Variants in FCRL5 observed in about 807,000 individuals in gnomAD.
The protein encoded by FCRL5 is Fc receptor like 5, also known as Fc receptor-like protein 5.
A neutral mutation model predicts 92.1 loss-of-function variants in FCRL5; 79 were observed. That is an observed-to-expected ratio of 0.86 (90% CI 0.72 to 1.03). The LOEUF (loss-of-function observed/expected upper bound fraction) is 1.03. Among genes scored for constraint, FCRL5 ranks in the 50% least tolerant of loss-of-function variants. The probability of loss-of-function intolerance (pLI) is 0.00; values close to 1 mark genes in which losing one functional copy is unlikely to be tolerated. For missense variants in FCRL5, 1,160 were observed against 1,181.1 expected (o/e 0.98, Z 0.26); for synonymous variants, 466 against 469.3 (o/e 0.99, Z 0.09).
chr1:157,527,139 C>T (rs1013392491), intron 9 of FCRL5, among the ~76,000 whole-genome samples: 18 of 152,144 alleles, frequency 1.2e-4, no homozygotes, highest in African/African-American at 4.3e-4. Context: ...ATTATGTCTT[C>T]TAACAAGGGT....
In FCRL5 at chr1:157,527,794, G is replaced by A; in HGVS notation, c.1783C>T (p.Pro595Ser). The A allele has an allele frequency of 6.2e-7, 1 of 1,614,026 alleles. No homozygotes were observed. The highest frequency in any genetic ancestry group is 8.5e-7 in the Non-Finnish European group (1 of 1,179,926). ...LHCEAPRGSP[P>S]ILYWFYHEDV... Reference sequence around the variant, plus strand: ...TCATGATAAAACCAGTACAGGATTGGGGGAGAGCCTCTCGGGGCCTCACAG... The same window carrying A: ...TCATGATAAAACCAGTACAGGATTGAGGGAGAGCCTCTCGGGGCCTCACAG... Residue 595 changes from proline to serine, a missense_variant, in exon 9 of 17, where the codon CCA becomes TCA. Transcript: ENST00000361835.
At chr1:157,517,820 G>T (rs151069335) in intron 15 of FCRL5, among the ~76,000 whole-genome samples, 2 of 152,188 alleles carry the variant, frequency 1.3e-5, no homozygotes, top group South Asian at 2.1e-4. Context: ...CTCTCCAAAT[G>T]TATGGGTTAA....
chr1:157,550,305 C>A (rs1651757916), intron 1 of FCRL5, among the ~76,000 whole-genome samples: 5 of 152,248 alleles, frequency 3.3e-5, no homozygotes, highest in African/African-American at 1.2e-4. Flanking sequence ...TGATGGAGCA[C>A]TCTGTCAGTG....
intron 8 of FCRL5, among the ~76,000 whole-genome samples, chr1:157,529,515 A>G (rs1371844940): frequency 6.6e-6 from 1 of 152,216 alleles, no homozygotes; most frequent in Non-Finnish European, 1.5e-5. Context: ...ATAGCAGCAC[A>G]ACTCATGATT....
chr1:157,527,912 G>C lies in FCRL5; in HGVS notation c.1682-17C>G. 1 of 1,537,402 alleles carries C rather than the reference G, an allele frequency of 6.5e-7. No individual in the cohort carries two copies. The highest frequency in any genetic ancestry group is 8.7e-7 in the Non-Finnish European group (1 of 1,145,154). ...ACACTGGAACTGAGAGAGAAAATGA[G>C]TTAGGGACACATGTATTTTTAAAAT... On this transcript the variant is annotated splice_polypyrimidine_tract_variant and intron_variant, in intron 8 of 16. Coordinates refer to ENST00000361835, the MANE Select transcript of FCRL5 (RefSeq NM_031281.3).
In FCRL5 at chr1:157,513,672, G is replaced by A. The variant is rs1384718831; in HGVS notation, c.*2003C>T. The A allele has an allele frequency of 6.6e-6, 1 of 152,174 alleles. No individual in the cohort carries two copies. Among genetic ancestry groups the A allele is most frequent in the African/African-American group, 2.4e-5 (1 of 41,434 alleles). The allele number at this position is 152,174 out of a possible 1,614,324, so 9.4% of individuals were successfully genotyped here. ...GGACGGGGTCCACCCACATTAGGGT[G>A]GAGTTTGTTCTGCCACTGTGCAGTT... On this transcript the variant is annotated 3_prime_UTR_variant, in exon 17 of 17. Coordinates refer to ENST00000361835, the MANE Select transcript of FCRL5 (RefSeq NM_031281.3).
chr1:157,515,990 AG>A, intron 15 of FCRL5, 117 bp from the exon 16 acceptor site: 1 of 1,114,122 alleles, frequency 9.0e-7, no homozygotes, highest in Non-Finnish European at 1.3e-6. Flanking sequence ...CTGTGCGGTG[AG>A]TAGCCATTCC....
At chr1:157,521,355 G>A (rs1352510089) in intron 10 of FCRL5, 63 bp from the exon 11 acceptor site, 3 of 1,508,328 alleles carry the variant, frequency 2.0e-6, no homozygotes, top group Non-Finnish European at 2.7e-6. Flanking sequence ...GAAACAAAAG[G>A]TATCATAAAC....
intron 6 of FCRL5, among the ~76,000 whole-genome samples, chr1:157,540,437 C>T (rs1475640193): frequency 2.0e-5 from 3 of 152,166 alleles, no homozygotes; most frequent in African/African-American, 7.2e-5. Flanking sequence ...TCATCCTGTG[C>T]TCACCTGCCT....
intron 7 of FCRL5, among the ~76,000 whole-genome samples, chr1:157,538,817 A>G (rs1972240): frequency 0.088 from 13,364 of 152,230 alleles, 1,576 homozygotes; most frequent in African/African-American, 0.27. Flanking sequence ...TGGAGAGCAC[A>G]AGAAAAGCAA....
chr1:157,547,040 G>C lies in FCRL5; in HGVS notation c.210C>G (p.Thr70=). 1 of 1,614,092 alleles carries C rather than the reference G, an allele frequency of 6.2e-7. No homozygotes were observed. Among genetic ancestry groups the C allele is most frequent in the Non-Finnish European group, 8.5e-7 (1 of 1,180,016 alleles). ...CCTGAACCTCAAGGATATTGTCTGG[G>C]GTTTCTCTTAGTATTTCTTTCCCAA... ...RYLGKEILRE[T]PDNILEVQES... is the part of the protein sequence containing the mutation. Residue 70 remains threonine, a synonymous_variant, in exon 3 of 17, where the codon ACC becomes ACG. Transcript: ENST00000361835.
intron 7 of FCRL5, among the ~76,000 whole-genome samples, chr1:157,538,212 T>A (rs1228690281): frequency 6.6e-6 from 1 of 152,236 alleles, no homozygotes; most frequent in East Asian, 1.9e-4. Context: ...CTGGGTTCCC[T>A]GGCCCTCTCC....
chr1:157,523,039 T>A (rs1650271197), intron 10 of FCRL5, among the ~76,000 whole-genome samples: 1 of 152,130 alleles, frequency 6.6e-6, no homozygotes, highest in South Asian at 2.1e-4. Context: ...AAAACCCAAA[T>A]CTGAAGTCAT....
chr1:157,521,031 G>T lies in FCRL5; in HGVS notation c.2501C>A (p.Thr834Lys). The T allele has an allele frequency of 6.2e-7, 1 of 1,608,782 alleles. No homozygotes were observed. Among genetic ancestry groups the T allele is most frequent in the Non-Finnish European group, 8.5e-7 (1 of 1,178,062 alleles). ...GGGAAACTTACCTGTGATATAAAGT[G>T]TCACTGTCTCACTGCGCTGGGCCCC... is the stretch of plus-strand genomic sequence containing the variant. ...GLGAQRSETV[T>K]LYITGLTANR... The change falls in exon 11 of 17, where the codon ACA (threonine) becomes AAA (lysine). Residue 834 changes from threonine to lysine, a missense_variant. By Grantham distance (78) the Thr-to-Lys change is moderately conservative. Coordinates refer to ENST00000361835, the MANE Select transcript of FCRL5 (RefSeq NM_031281.3).
rs370213739 is a variant in FCRL5, at chr1:157,534,609, C to G, written c.1681+5G>C. 13 of 1,614,048 alleles carry G rather than the reference C, an allele frequency of 8.1e-6. No individual in the cohort carries two copies. The highest frequency in any genetic ancestry group is 6.7e-5 in the East Asian group (3 of 44,890). The stretch of plus-strand genomic sequence containing the variant: ...GTGGGTGACTGGCAAGAACCCAGCA[C>G]TTACCAGTGACAAAAAGGCTCACCA... On this transcript the variant is annotated splice_donor_5th_base_variant and intron_variant, in intron 8 of 16. Coordinates refer to ENST00000361835, the MANE Select transcript of FCRL5 (RefSeq NM_031281.3).
Position 157,518,476 on chromosome 1 carries a change from A to G in FCRL5, c.2765T>C (p.Val922Ala). The G allele has an allele frequency of 1.2e-6, 2 of 1,614,134 alleles. No individual in the cohort carries two copies. The highest frequency in any genetic ancestry group is 1.1e-5 in the South Asian group (1 of 91,064). Residue 922 changes from valine (V) to alanine (A), a missense_variant, in exon 15 of 17, where the codon GTG becomes GCG. By Grantham distance (64) the Val-to-Ala change is moderately conservative (BLOSUM62 0). Coordinates refer to ENST00000361835, the MANE Select transcript of FCRL5 (RefSeq NM_031281.3). ...YTNANPRGEN[V>A]VYSEVRIIQE... ...GATGATCCGTACTTCTGAGTAAACC[A>G]CATTTTCTCCTCTAGGATTTGCTTA...
Position 157,525,010 on chromosome 1 carries a change from C to A in FCRL5, c.1961-453G>T, listed in dbSNP as rs141385857. ...ATTTATCCATCAAAAATTAATTGAA[C>A]AAAAATTTTTTAAAAAATTGAGCAA... On this transcript the variant is annotated intron_variant, in intron 9 of 16. Coordinates refer to ENST00000361835, the MANE Select transcript of FCRL5 (RefSeq NM_031281.3). 9.0e-3 allele frequency among the ~76,000 whole-genome samples: 1,365 copies of A among 152,066 alleles called. 12 individuals are homozygous for A. The highest frequency in any genetic ancestry group is 0.015 in the Non-Finnish European group (1,045 of 67,984).
rs765962093 is a variant in FCRL5 at position 157,515,306 on chromosome 1, G to A, written c.*369C>T. 11 of 293,806 alleles carry A rather than the reference G, an allele frequency of 3.7e-5. No individual in the cohort carries two copies. Among genetic ancestry groups the A allele is most frequent in the South Asian group, 2.1e-4 (5 of 24,290 alleles). 18.2% of individuals were successfully genotyped at this position (293,806 alleles called of 1,614,324 possible). A position where few individuals can be genotyped will look rare whatever the true frequency, so the allele number is the denominator to read the frequency against. ...AGCACCTGAGCTGTTAGGCCAGCCC[G>A]GCATCTCCTGAAGGCCCACTCTCCC... On this transcript the variant is annotated 3_prime_UTR_variant, in exon 17 of 17. Transcript: ENST00000361835.
intron 5 of FCRL5, 32 bp from the exon 6 acceptor site, chr1:157,543,169 C>T: frequency 6.3e-7 from 1 of 1,594,800 alleles, no homozygotes; most frequent in Non-Finnish European, 8.5e-7. Flanking sequence ...TCAAGAATTG[C>T]TTTTGCCTCT....
Sources: gnomAD v4.1 joint callset for allele counts (sites outside exome capture counted in the v4.1 genomes callset) on GRCh38, gnomAD v4.1.1 for gene constraint, MANE v1.5 for transcripts, NCBI Gene and HGNC (gene_info 2026-07-23, HGNC 2026-07-21) for gene names.